Variants in TSPAN9 observed in about 807,000 individuals in gnomAD.
The protein encoded by TSPAN9 is tetraspanin-9.
Under a neutral mutation model 31.0 loss-of-function variants are expected in TSPAN9, and 16 were observed. The observed-to-expected ratio is 0.52, with a 90% CI of 0.35 to 0.78. TSPAN9 has a LOEUF of 0.78. Ranked by LOEUF, TSPAN9 falls within the 30% of genes least tolerant of loss-of-function variation. The pLI, the probability that TSPAN9 is intolerant of heterozygous loss-of-function variation, is 0.01. For synonymous variants in TSPAN9, 145 were observed against 121.6 expected (o/e 1.19, Z -1.27); for missense variants, 272 against 312.5 (o/e 0.87, Z 0.98).
chr12:3,133,308 G>A (rs1224253759), intron 2 of TSPAN9, among the ~76,000 whole-genome samples: 1 of 152,106 alleles, frequency 6.6e-6, no homozygotes, highest in Non-Finnish European at 1.5e-5. Context: ...CTTCCTACAA[G>A]TACACAGTTT....
chr12:3,284,443 C>T lies in TSPAN9; in HGVS notation c.*1327C>T, dbSNP rs1364339658. ...TCGCCTCCTTCCCTGGGGCCACGGA[C>T]ATCAGCAGTGGGTTGGGTGGCGATT... On this transcript the variant is annotated 3_prime_UTR_variant, in exon 9 of 9. Transcript: ENST00000011898. 1 of 152,408 alleles carries T rather than the reference C, an allele frequency of 6.6e-6. No homozygotes were observed. Among genetic ancestry groups the T allele is most frequent in the Non-Finnish European group, 1.5e-5 (1 of 68,068 alleles). 9.4% of individuals were successfully genotyped at this position (152,408 alleles called of 1,614,324 possible).
intron 3 of TSPAN9, among the ~76,000 whole-genome samples, chr12:3,249,331 C>T (rs1044283314): frequency 6.6e-6 from 1 of 152,220 alleles, no homozygotes; most frequent in Non-Finnish European, 1.5e-5. Context: ...TCCTGTCCCA[C>T]TTCCTGCCCG....
rs2098335757 is a variant in TSPAN9, at chr12:3,143,325, G to A, written c.-17-57852G>A. On this transcript the variant is annotated intron_variant, in intron 2 of 8. Coordinates refer to ENST00000011898, the MANE Select transcript of TSPAN9 (RefSeq NM_006675.5). This position sits in a 1 kb window ranked among gnomAD's most constrained non-coding sequence, Gnocchi z 4.2. ...ATAATTAATACACCATTAATGTCTTGAGGGCAGGCACTTTGAAACTGTCCT... is the reference window on the plus strand; with the variant it reads ...ATAATTAATACACCATTAATGTCTTAAGGGCAGGCACTTTGAAACTGTCCT... Among the ~76,000 whole-genome samples, 1 of 147,770 alleles carries A rather than the reference G, an allele frequency of 6.8e-6. No individual in the cohort carries two copies. The highest frequency in any genetic ancestry group is 2.1e-4 in the South Asian group (1 of 4,774).
At position 3,226,736 on chromosome 12, in the gene TSPAN9, GTGTGTGTGTATATATATA is replaced by G. The variant is rs1565622373; in HGVS notation, c.63+25482_63+25499del. ...TGTATGTATGTGTGTGTGTGTGTGT[GTGTGTGTGTATATATATA>G]TATATATATATATATATATATATAT... On this transcript the variant is annotated intron_variant, in intron 3 of 8. Coordinates refer to ENST00000011898, the MANE Select transcript of TSPAN9 (RefSeq NM_006675.5). Among the ~76,000 whole-genome samples the G allele has an allele frequency of 1.6e-3, 18 of 11,068 alleles. 1 individual carries two copies. The highest frequency in any genetic ancestry group is 9.4e-3 in the South Asian group (1 of 106). 7.3% of individuals were successfully genotyped at this position (11,068 alleles called of 152,430 possible).
chr12:3,252,980 A>C (rs1485630336), intron 3 of TSPAN9, among the ~76,000 whole-genome samples: 1 of 152,142 alleles, frequency 6.6e-6, no homozygotes, highest in Non-Finnish European at 1.5e-5. Context: ...CCTGGTTGTC[A>C]TGCCCTCCCA....
intron 2 of TSPAN9, among the ~76,000 whole-genome samples, chr12:3,112,675 G>GTT (rs2098319685): frequency 9.7e-5 from 9 of 93,260 alleles, no homozygotes; most frequent in Non-Finnish European, 1.3e-4. Context: ...ATTTATTTTT[G>GTT]CTTTTTTTTT....
chr12:3,097,588 G>A lies in TSPAN9; in HGVS notation c.-18+13869G>A, dbSNP rs760949656. 4.6e-5 allele frequency among the ~76,000 whole-genome samples: 7 copies of A among 152,144 alleles called. No homozygotes were observed. The South Asian group carries it at 8.3e-4, about 18-fold the overall frequency. Reference sequence around the variant, plus strand: ...GGGGAAGAGAGGGAAAGTTCAAGACGATTTCCTCTTCCTCTTCTGTGACTT... The same window carrying A: ...GGGGAAGAGAGGGAAAGTTCAAGACAATTTCCTCTTCCTCTTCTGTGACTT... On this transcript the variant is annotated intron_variant, in intron 2 of 8. Coordinates refer to ENST00000011898, the MANE Select transcript of TSPAN9 (RefSeq NM_006675.5).
intron 2 of TSPAN9, among the ~76,000 whole-genome samples, chr12:3,090,964 G>A (rs767741512): frequency 1.2e-4 from 19 of 152,360 alleles, no homozygotes; most frequent in Middle Eastern, 3.4e-3. Context: ...GTGTGTGCAC[G>A]CGGCTAGCGC....
rs140250165 is a variant in TSPAN9 at position 3,100,901 on chromosome 12, T to C, written c.-18+17182T>C. Among the ~76,000 whole-genome samples the C allele has an allele frequency of 5.3e-5, 8 of 152,320 alleles. No homozygotes were observed. In the East Asian group the frequency reaches 5.8e-4, roughly 11 times the overall value. ...GTGCTAGGTGGCCAATGTTTGTTGA[T>C]TGAACAAGTAAATGAGAATAAATGG... On this transcript the variant is annotated intron_variant, in intron 2 of 8. Coordinates refer to ENST00000011898, the MANE Select transcript of TSPAN9 (RefSeq NM_006675.5).
rs58506877 is a variant in TSPAN9 at position 3,272,497 on chromosome 12, GT to G, written c.64-5910del. ...ACCTGGGTCCTGGAAGTGCATGTGT[GT>G]TTTTTTTTTTTTTCCCCAAAGTGCT... On this transcript the variant is annotated intron_variant, in intron 3 of 8. Transcript: ENST00000011898. Among the ~76,000 whole-genome samples, 732 of 144,584 alleles carry G rather than the reference GT, an allele frequency of 5.1e-3. 7 individuals are homozygous for G. Among genetic ancestry groups the G allele is most frequent in the Middle Eastern group, 0.015 (4 of 274 alleles). 94.9% of individuals were successfully genotyped at this position (144,584 alleles called of 152,430 possible). A position where few individuals can be genotyped will look rare whatever the true frequency, so the allele number is the denominator to read the frequency against.
intron 2 of TSPAN9, among the ~76,000 whole-genome samples, chr12:3,161,583 T>A (rs2098345241): frequency 6.6e-6 from 1 of 152,164 alleles, no homozygotes; most frequent in African/African-American, 2.4e-5. Flanking sequence ...GGGCCTGGCC[T>A]GGGGAAAGTG....
chr12:3,085,819 C>T (rs112606307), intron 2 of TSPAN9, among the ~76,000 whole-genome samples: 6 of 152,130 alleles, frequency 3.9e-5, no homozygotes, highest in African/African-American at 7.2e-5. Context: ...AGTGCCTTCC[C>T]GGCCTCTGAC....
chr12:3,180,915 G>A (rs1411419001), intron 2 of TSPAN9, among the ~76,000 whole-genome samples: 2 of 152,198 alleles, frequency 1.3e-5, no homozygotes, highest in African/African-American at 4.8e-5. Context: ...TGCACCTGCT[G>A]TGTGCCAGGC....
rs1490638910 is a variant in TSPAN9 at position 3,168,311 on chromosome 12, T to C, written c.-17-32866T>C. 6.6e-6 allele frequency among the ~76,000 whole-genome samples: 1 copy of C among 152,248 alleles called. No homozygotes were observed. Among genetic ancestry groups the C allele is most frequent in the African/African-American group, 2.4e-5 (1 of 41,462 alleles). On this transcript the variant is annotated intron_variant, in intron 2 of 8. Transcript: ENST00000011898. The surrounding 1 kb of genome is among the most constrained non-coding windows in gnomAD (Gnocchi z 4.0). ...TAAGGTCTTCATAAAATCTCCCCTC[T>C]AGCGCTCGTCTTTTTGCTTCCTTCA... is the stretch of plus-strand genomic sequence containing the variant.
At chr12:3,236,931 C>G (rs1455127565) in intron 3 of TSPAN9, among the ~76,000 whole-genome samples, 2 of 152,120 alleles carry the variant, frequency 1.3e-5, no homozygotes, top group African/African-American at 4.8e-5. Flanking sequence ...CAGATGTGGC[C>G]CTGCCCTTAG....
At chr12:3,088,413 A>G (rs367644241) in intron 2 of TSPAN9, among the ~76,000 whole-genome samples, 4 of 137,794 alleles carry the variant, frequency 2.9e-5, no homozygotes, top group East Asian at 5.2e-4. Context: ...GCCATTTCAA[A>G]TTGGCTTCCA....
intron 3 of TSPAN9, among the ~76,000 whole-genome samples, chr12:3,256,765 A>C (rs146935460): frequency 2.0e-4 from 31 of 152,292 alleles, no homozygotes; most frequent in Admixed American, 9.2e-4. Flanking sequence ...ACAAGACAGC[A>C]GGAGCCATCA....
chr12:3,271,841 A>T (rs901435976), intron 3 of TSPAN9, among the ~76,000 whole-genome samples: 2 of 152,198 alleles, frequency 1.3e-5, no homozygotes, highest in Non-Finnish European at 2.9e-5. Context: ...AATACAAAGC[A>T]GCGGCTGCGC....
At chr12:3,189,213 T>A (rs910598333) in intron 2 of TSPAN9, among the ~76,000 whole-genome samples, 16 of 151,922 alleles carry the variant, frequency 1.1e-4, no homozygotes, top group South Asian at 2.1e-4. Context: ...CTGAGCAGGA[T>A]GGGGGAGGCT....
Sources: allele counts gnomAD v4.1 joint callset (sites outside exome capture counted in the v4.1 genomes callset), GRCh38; gene constraint gnomAD v4.1.1; non-coding constraint Gnocchi (gnomAD v3.1); transcripts MANE v1.5; gene names NCBI Gene and HGNC (gene_info 2026-07-23, HGNC 2026-07-21).